CLSTN1: variants seen among roughly 807,000 people sequenced by gnomAD.
The protein encoded by CLSTN1 is calsyntenin 1, also known as calsyntenin-1.
In CLSTN1, 28 loss-of-function variants were observed where a neutral mutation model predicts 108.3. That is an observed-to-expected ratio of 0.26 (90% CI 0.19 to 0.35). The LOEUF is 0.35. Among genes scored for constraint, CLSTN1 ranks in the 10% least tolerant of loss-of-function variants. CLSTN1 has a pLI of 1.00. For synonymous variants in CLSTN1, 524 were observed against 534.9 expected (o/e 0.98, Z 0.28); for missense variants, 1,157 against 1,302.6 (o/e 0.89, Z 1.72).
intron 3 of CLSTN1, 79 bp downstream of exon 3, chr1:9,756,398 CTGTT>C: frequency 9.3e-7 from 1 of 1,079,062 alleles, no homozygotes; most frequent in Non-Finnish European, 1.4e-6. Flanking sequence ...ACAGTTTCTC[CTGTT>C]TAAGGGCTGA....
At chr1:9,744,152 C>T in intron 8 of CLSTN1, 147 bp from the exon 9 acceptor site, 1 of 1,230,746 alleles carries the variant, frequency 8.1e-7, no homozygotes, top group Non-Finnish European at 1.1e-6. Flanking sequence ...GAAACAAATA[C>T]ACTTGGGCTT....
intron 1 of CLSTN1, among the ~76,000 whole-genome samples, chr1:9,784,700 A>C (rs1297896994): frequency 2.0e-5 from 3 of 152,216 alleles, no homozygotes; most frequent in African/African-American, 7.2e-5. Context: ...GTCTATCATA[A>C]GAACCTGCAA....
At chr1:9,776,934 C>T (rs1461688297) in intron 1 of CLSTN1, among the ~76,000 whole-genome samples, 2 of 151,396 alleles carry the variant, frequency 1.3e-5, no homozygotes, top group Non-Finnish European at 2.9e-5. Flanking sequence ...AAATTAAAAC[C>T]AGTCCAGGAG....
intron 1 of CLSTN1, among the ~76,000 whole-genome samples, chr1:9,802,823 AT>A (rs34247091): frequency 0.012 from 1,600 of 130,496 alleles, 24 homozygotes; most frequent in African/African-American, 0.042. Flanking sequence ...ATTTTCTTAG[AT>A]TTTTTTTTTT....
In CLSTN1 at chr1:9,773,286, G is replaced by A. The variant is rs369969883; in HGVS notation, c.200C>T (p.Pro67Leu). 1 of 1,614,074 alleles carries A rather than the reference G, an allele frequency of 6.2e-7. No individual in the cohort carries two copies. The change falls in exon 2 of 19, where the codon CCT becomes CTT. Residue 67 changes from proline to leucine, a missense_variant. Transcript: ENST00000377298. ...CCCGTTCCTACCTGCAAATCGCAGA[G>A]GCGCATCTTTATCCAGCGCGATCAG... ...PPLIALDKDAPLRFAESFEVT... is the reference protein window; with the variant it reads ...PPLIALDKDALLRFAESFEVT...
intron 10 of CLSTN1, among the ~76,000 whole-genome samples, chr1:9,739,816 T>TC (rs200907189): frequency 2.0e-4 from 19 of 96,236 alleles, no homozygotes; most frequent in African/African-American, 1.2e-3. Context: ...AATAGGGCAT[T>TC]TTTTTTTTTT....
At chr1:9,765,316 G>A (rs574312149) in intron 2 of CLSTN1, among the ~76,000 whole-genome samples, 38 of 151,772 alleles carry the variant, frequency 2.5e-4, no homozygotes, top group African/African-American at 8.7e-4. Flanking sequence ...CCCAGGAGGC[G>A]GAGGTTGCGG....
At chr1:9,783,477 C>T (rs745545839) in intron 1 of CLSTN1, among the ~76,000 whole-genome samples, 61 of 151,314 alleles carry the variant, frequency 4.0e-4, no homozygotes, top group Non-Finnish European at 3.0e-4. Context: ...CCCAACACTT[C>T]GGGAGGCCAA....
At chr1:9,751,772 C>A in intron 4 of CLSTN1, 91 bp from the exon 5 acceptor site, 1 of 1,131,586 alleles carries the variant, frequency 8.8e-7, no homozygotes, top group Non-Finnish European at 1.3e-6. Context: ...CCCAATTCTG[C>A]CCTACTTTAA....
At chr1:9,802,827 T>TA (rs1178917997) in intron 1 of CLSTN1, among the ~76,000 whole-genome samples, 3 of 149,744 alleles carry the variant, frequency 2.0e-5, no homozygotes, top group East Asian at 3.9e-4. Flanking sequence ...TCTTAGATTT[T>TA]TTTTTTTTTT....
chr1:9,755,666 G>T (rs1205327477), intron 3 of CLSTN1, among the ~76,000 whole-genome samples: 1 of 152,154 alleles, frequency 6.6e-6, no homozygotes, highest in Non-Finnish European at 1.5e-5. Flanking sequence ...GAGAACACCA[G>T]CGCTGCCCCA....
At chr1:9,797,978 C>T (rs1420435715) in intron 1 of CLSTN1, among the ~76,000 whole-genome samples, 2 of 151,712 alleles carry the variant, frequency 1.3e-5, no homozygotes, top group Non-Finnish European at 2.9e-5. Context: ...CCTGTAATCC[C>T]AGCTACTCGG....
In CLSTN1 at chr1:9,753,212, C is replaced by G. The variant is rs552443709; in HGVS notation, c.441-1531G>C. Reference sequence around the variant, plus strand: ...CATGCTCAGTTCACAACAGGGTTCGCGCTCCTGTGAGAATCTGATACCGCT... The same window carrying G: ...CATGCTCAGTTCACAACAGGGTTCGGGCTCCTGTGAGAATCTGATACCGCT... On this transcript the variant is annotated intron_variant, in intron 4 of 18. Transcript: ENST00000377298. 8.5e-5 allele frequency among the ~76,000 whole-genome samples: 13 copies of G among 152,248 alleles called. 1 individual carries two copies. The South Asian group carries it at 2.7e-3, about 32-fold the overall frequency.
At chr1:9,745,215 C>T (rs180781145) in intron 7 of CLSTN1, among the ~76,000 whole-genome samples, 159 of 126,082 alleles carry the variant, frequency 1.3e-3, no homozygotes, top group African/African-American at 4.9e-3. Context: ...GGCAACAGAG[C>T]GAGACTCCGT....
Position 9,804,316 on chromosome 1 carries a change from T to C in CLSTN1, c.91+19327A>G, listed in dbSNP as rs184942101. 3.4e-4 allele frequency among the ~76,000 whole-genome samples: 46 copies of C among 134,430 alleles called. No individual in the cohort carries two copies. The East Asian group carries it at 9.2e-3, about 27-fold the overall frequency. The allele number at this position is 134,430 out of a possible 152,430, so 88.2% of individuals were successfully genotyped here. A position where few individuals can be genotyped will look rare whatever the true frequency, so the allele number is the denominator to read the frequency against. On this transcript the variant is annotated intron_variant, in intron 1 of 18. Transcript: ENST00000377298. ...AGGCAGAAGTTGCAGTGAGCTGAGA[T>C]CATGCCACTGCACTCCAGCCTGGCG...
intron 1 of CLSTN1, among the ~76,000 whole-genome samples, chr1:9,783,629 G>A (rs955411406): frequency 5.9e-5 from 9 of 151,954 alleles, no homozygotes; most frequent in African/African-American, 1.7e-4. Flanking sequence ...GCCGAGGCAG[G>A]TGGATCACCT....
chr1:9,753,165 A>G (rs897247115), intron 4 of CLSTN1, among the ~76,000 whole-genome samples: 3 of 152,170 alleles, frequency 2.0e-5, no homozygotes, highest in Non-Finnish European at 4.4e-5. Context: ...TCTCATAAGG[A>G]GCGCACAACC....
At chr1:9,781,707 T>TG (rs1653259594) in intron 1 of CLSTN1, among the ~76,000 whole-genome samples, 1 of 152,158 alleles carries the variant, frequency 6.6e-6, no homozygotes, top group Non-Finnish European at 1.5e-5. Context: ...CCTCCCAAAG[T>TG]GCTGGGACTA....
upstream of CLSTN1, chr1:9,824,241 T>C (rs1172105548): frequency 1.3e-5 from 2 of 151,346 alleles, no homozygotes; most frequent in East Asian, 2.0e-4. This position sits in a 1 kb window ranked among gnomAD's most constrained non-coding sequence, Gnocchi z 5.0. Flanking sequence ...CCCGGGGGAC[T>C]GTATCCCTTT....
Sources: allele counts gnomAD v4.1 joint callset (sites outside exome capture counted in the v4.1 genomes callset), GRCh38; gene constraint gnomAD v4.1.1; non-coding constraint Gnocchi (gnomAD v3.1); transcripts MANE v1.5; gene names NCBI Gene and HGNC (gene_info 2026-07-23, HGNC 2026-07-21).